Variants in FMOD observed in about 807,000 individuals in gnomAD.
FMOD encodes the protein fibromodulin.
In FMOD, 15 loss-of-function variants were observed where a neutral mutation model predicts 27.0. That is an observed-to-expected ratio of 0.55 (90% CI 0.37 to 0.85). The LOEUF is 0.85. Ranked by LOEUF, FMOD falls within the 40% of genes least tolerant of loss-of-function variation. The probability of loss-of-function intolerance (pLI) is 0.00; values close to 1 mark genes in which losing one functional copy is unlikely to be tolerated. For missense variants in FMOD, 460 were observed against 483.2 expected (o/e 0.95, Z 0.45); for synonymous variants, 210 against 214.0 (o/e 0.98, Z 0.16).
At position 203,351,084 on chromosome 1, in the gene FMOD, G is replaced by C. The variant is rs913372668; in HGVS notation, c.-59C>G. On this transcript the variant is annotated 5_prime_UTR_variant, in exon 1 of 3. Transcript: ENST00000354955. ...CCACGTCCCTCTGTCTGGCCTCCTT[G>C]GGTTGGAGAACGTGTGAGAGAGGAA... The C allele has an allele frequency of 1.3e-5, 2 of 152,268 alleles. No individual in the cohort carries two copies. Among genetic ancestry groups the C allele is most frequent in the Non-Finnish European group, 2.9e-5 (2 of 68,082 alleles). 9.4% of individuals were successfully genotyped at this position (152,268 alleles called of 1,614,324 possible). A position where few individuals can be genotyped will look rare whatever the true frequency, so the allele number is the denominator to read the frequency against.
At chr1:203,347,192 C>T in intron 2 of FMOD, 100 bp downstream of exon 2, 1 of 1,406,588 alleles carries the variant, frequency 7.1e-7, no homozygotes. Flanking sequence ...CTGTCTGGTT[C>T]CCCTATTTCT....
chr1:203,345,981 T>TA (rs1417088777), intron 2 of FMOD, among the ~76,000 whole-genome samples: 1 of 151,224 alleles, frequency 6.6e-6, no homozygotes, highest in East Asian at 1.9e-4. Context: ...GAGATTTTAA[T>TA]AAAAAAGAGT....
rs1658905763 is a variant in FMOD at position 203,347,329 on chromosome 1, G to A, written c.942C>T (p.Asn314=). The change falls in exon 2 of 3, where the codon AAC becomes AAT. Residue 314 remains asparagine, a synonymous_variant. Transcript: ENST00000354955. ...QLQKIPPVNT[N]LENLYLQGNR... is the part of the protein sequence containing the mutation. The stretch of plus-strand genomic sequence containing the variant: ...TGCCTTGGAGGTAGAGGTTCTCCAG[G>A]TTGGTGTTGACTGGGGGGATCTTCT... 6.2e-7 allele frequency: 1 copy of A among 1,613,900 alleles called. No homozygotes were observed. The highest frequency in any genetic ancestry group is 8.5e-7 in the Non-Finnish European group (1 of 1,179,870).
intron 2 of FMOD, among the ~76,000 whole-genome samples, chr1:203,345,255 C>T (rs1387030968): frequency 6.6e-6 from 1 of 152,120 alleles, no homozygotes; most frequent in Non-Finnish European, 1.5e-5. Flanking sequence ...TAGGAAACTG[C>T]ACTAATTTTA....
rs911125348 is a variant in FMOD, at chr1:203,347,686, A to G, written c.585T>C (p.Ala195=). ...CCGTGAGGTTCTCCAGCCCCTCCAG[A>G]GCATTGTTGGGGACCCGTGAGATCT... is the stretch of plus-strand genomic sequence containing the variant. The part of the protein sequence containing the change: ...HNQISRVPNN[A]LEGLENLTAL... The change falls in exon 2 of 3, where the codon GCT becomes GCC. Residue 195 remains alanine, a synonymous_variant. Transcript: ENST00000354955. The G allele has an allele frequency of 6.2e-7, 1 of 1,614,038 alleles. No individual in the cohort carries two copies. The highest frequency in any genetic ancestry group is 1.3e-5 in the African/African-American group (1 of 75,018).
chr1:203,347,722 G>A lies in FMOD; in HGVS notation c.549C>T (p.Leu183=), dbSNP rs775467919. ...PLPRSLRELH[L]DHNQISRVPN... ...GGACCCGTGAGATCTGGTTGTGGTCGAGATGGAGCTCTCTCAGGGATCGAG... is the reference window on the plus strand; with the variant it reads ...GGACCCGTGAGATCTGGTTGTGGTCAAGATGGAGCTCTCTCAGGGATCGAG... The change falls in exon 2 of 3, where the codon CTC becomes CTT. Residue 183 remains leucine, a synonymous_variant. Coordinates refer to ENST00000354955, the MANE Select transcript of FMOD (RefSeq NM_002023.5). 15 of 1,613,960 alleles carry A rather than the reference G, an allele frequency of 9.3e-6. No individual in the cohort carries two copies. Among genetic ancestry groups the A allele is most frequent in the Admixed American group, 5.0e-5 (3 of 60,014 alleles).
chr1:203,348,138 A>T lies in FMOD; in HGVS notation c.133T>A (p.Tyr45Asn), dbSNP rs757070471. 17 of 1,614,106 alleles carry T rather than the reference A, an allele frequency of 1.1e-5. No homozygotes were observed. The East Asian group carries it at 3.8e-4, about 36-fold the overall frequency. ...TAAGGCTCGTAGGTCTCATACGGGT[A>T]AGGGTCATAGGGATCGTAGTAGGTG... ...QSTYYDPYDP[Y>N]PYETYEPYPY... Residue 45 changes from tyrosine to asparagine, a missense_variant, in exon 2 of 3, where the codon TAC becomes AAC. Tyr to Asn is a moderately radical substitution (Grantham distance 143). Transcript: ENST00000354955.
intron 1 of FMOD, among the ~76,000 whole-genome samples, chr1:203,350,303 T>G (rs1658968385): frequency 6.6e-6 from 1 of 152,206 alleles, no homozygotes; most frequent in African/African-American, 2.4e-5. Context: ...TCTTACACTG[T>G]TTCCCATAAT....
In FMOD at chr1:203,347,779, G is replaced by A. The variant is rs775100009; in HGVS notation, c.492C>T (p.His164=). Residue 164 remains histidine (H), a synonymous_variant, in exon 2 of 3, where the codon CAC becomes CAT. Transcript: ENST00000354955. ...GACCGGGCATCCGGGTCAGGTTGTT[G>A]TGGTCCAGGTACAGCCTCTCCAGGT... ...LRHLERLYLD[H]NNLTRMPGPL... 1.2e-6 allele frequency: 2 copies of A among 1,613,758 alleles called. No individual in the cohort carries two copies. Among genetic ancestry groups the A allele is most frequent in the Non-Finnish European group, 1.7e-6 (2 of 1,180,046 alleles).
At chr1:203,345,771 G>A (rs971161440) in intron 2 of FMOD, among the ~76,000 whole-genome samples, 2 of 152,138 alleles carry the variant, frequency 1.3e-5, no homozygotes, top group Admixed American at 6.5e-5. Context: ...GGTGGCAGGC[G>A]CCTGTAGTCG....
rs1170065267 is a variant in FMOD, at chr1:203,347,544, G to T, written c.727C>A (p.Pro243Thr). ...ATGTACAGCTGCTCAAGAGCTGAGG[G>T]CAGCCCATCAGGCACCTTCCGAAGG... ...NHLRKVPDGL[P>T]SALEQLYMEH... Residue 243 changes from proline to threonine, a missense_variant, in exon 2 of 3, where the codon CCC becomes ACC. Transcript: ENST00000354955. 1 of 1,614,224 alleles carries T rather than the reference G, an allele frequency of 6.2e-7. No individual in the cohort carries two copies. Among genetic ancestry groups the T allele is most frequent in the East Asian group, 2.2e-5 (1 of 44,892 alleles).
chr1:203,342,169 G>T lies in FMOD; in HGVS notation c.*174C>A. On this transcript the variant is annotated 3_prime_UTR_variant, in exon 3 of 3. Transcript: ENST00000354955. The stretch of plus-strand genomic sequence containing the variant: ...GCTTCTGCCTATGTCCTCAGCAGAA[G>T]GCTGCCTGTCCCTGATCGCCCCCCC... 1.5e-6 allele frequency: 1 copy of T among 670,322 alleles called. No homozygotes were observed. Among genetic ancestry groups the T allele is most frequent in the Non-Finnish European group, 2.4e-6 (1 of 415,368 alleles). The allele number at this position is 670,322 out of a possible 1,614,324, so 41.5% of individuals were successfully genotyped here.
In FMOD at chr1:203,347,595, T is replaced by C. The variant is rs200199509; in HGVS notation, c.676A>G (p.Ile226Val). The change falls in exon 2 of 3, where the codon ATC (isoleucine) becomes GTC (valine). Residue 226 changes from isoleucine to valine, a missense_variant. Ile to Val is a conservative substitution (Grantham distance 29). Coordinates refer to ENST00000354955, the MANE Select transcript of FMOD (RefSeq NM_002023.5). ...GSSMRGLRSL[I>V]LLDLSYNHLR... The stretch of plus-strand genomic sequence containing the variant: ...TGGTTATAACTCAGGTCCAGCAAGA[T>C]CAGTGACCGGAGGCCCCTCATGGAA... 19 of 1,614,180 alleles carry C rather than the reference T, an allele frequency of 1.2e-5. No homozygotes were observed. In the Admixed American group the frequency reaches 3.0e-4, roughly 25 times the overall value.
chr1:203,342,516 G>A (rs201313469), intron 2 of FMOD, 22 bp from the exon 3 acceptor site: 139 of 1,602,050 alleles, frequency 8.7e-5, no homozygotes, highest in Admixed American at 1.4e-4. Context: ...AGAGGAGCAC[G>A]GGTCAGGGAG....
rs1489293631 is a variant in FMOD at position 203,342,262 on chromosome 1, G to T, written c.*81C>A. 6.5e-7 allele frequency: 1 copy of T among 1,533,042 alleles called. No individual in the cohort carries two copies. The highest frequency in any genetic ancestry group is 2.3e-5 in the East Asian group (1 of 44,022). 95.0% of individuals were successfully genotyped at this position (1,533,042 alleles called of 1,614,324 possible). A position where few individuals can be genotyped will look rare whatever the true frequency, so the allele number is the denominator to read the frequency against. On this transcript the variant is annotated 3_prime_UTR_variant, in exon 3 of 3. Transcript: ENST00000354955. ...GACTTCTGTCACATGGTCCATCCTG[G>T]ACCTTCCAGCAAAAGCCAAACCAAA...
chr1:203,346,467 T>A (rs1265808242), intron 2 of FMOD, among the ~76,000 whole-genome samples: 2 of 147,226 alleles, frequency 1.4e-5, no homozygotes, highest in Non-Finnish European at 3.0e-5. Flanking sequence ...CCATCTGAAA[T>A]GAATATTTCT....
chr1:203,347,451 G>T lies in FMOD; in HGVS notation c.820C>A (p.Arg274=). The T allele has an allele frequency of 6.2e-7, 1 of 1,614,182 alleles. No homozygotes were observed. Among genetic ancestry groups the T allele is most frequent in the Non-Finnish European group, 8.5e-7 (1 of 1,180,042 alleles). Reference sequence around the variant, plus strand: ...TTGGTTAGACTGTTGTGGGACAGCCGCACATACAGCAGCTTGGGCGCCCCC... The same window carrying T: ...TTGGTTAGACTGTTGTGGGACAGCCTCACATACAGCAGCTTGGGCGCCCCC... The part of the protein sequence containing the change: ...FRGAPKLLYV[R]LSHNSLTNNG... The change falls in exon 2 of 3, where the codon CGG becomes AGG. Residue 274 remains arginine (R), a synonymous_variant. Transcript: ENST00000354955.
At chr1:203,349,963 TCCTGGCTCTGGC>T (rs1370861631) in intron 1 of FMOD, among the ~76,000 whole-genome samples, 2 of 152,244 alleles carry the variant, frequency 1.3e-5, no homozygotes, top group Non-Finnish European at 2.9e-5. Flanking sequence ...GCTGGCTGGT[TCCTGGCTCTGGC>T]CAGGAGAGAA....
At chr1:203,344,202 CT>C (rs1658846977) in intron 2 of FMOD, among the ~76,000 whole-genome samples, 1 of 152,122 alleles carries the variant, frequency 6.6e-6, no homozygotes, top group Non-Finnish European at 1.5e-5. Context: ...AGTGGCTCAG[CT>C]TAAGTATCAT....
Sources: gnomAD v4.1 joint callset for allele counts (sites outside exome capture counted in the v4.1 genomes callset) on GRCh38, gnomAD v4.1.1 for gene constraint, MANE v1.5 for transcripts, NCBI Gene and HGNC (gene_info 2026-07-23, HGNC 2026-07-21) for gene names.